The following CNTN5 variants were observed in gnomAD, a reference collection of about 807,000 sequenced individuals.
CNTN5 encodes the protein contactin 5.
CNTN5 carries 77 observed loss-of-function variants against 129.1 expected under a neutral mutation model. The observed-to-expected ratio is 0.60, with a 90% CI of 0.50 to 0.72. The LOEUF is 0.72. Among genes scored for constraint, CNTN5 ranks in the 30% least tolerant of loss-of-function variants. CNTN5 has a pLI of 0.00. For missense variants in CNTN5, 1,478 were observed against 1,328.8 expected, an observed-to-expected ratio of 1.11 and a Z score of -1.75; for synonymous variants, 509 against 465.6, an observed-to-expected ratio of 1.09 and a Z score of -1.20.
At chr11:99,073,373 GGTTT>G (rs1865419501) in intron 1 of CNTN5, among the ~76,000 whole-genome samples, 1 of 87,326 alleles carries the variant, frequency 1.1e-5, no homozygotes. Context: ...TTTATGGTTT[GGTTT>G]TTTTTTTTTT....
chr11:99,776,439 T>C (rs1263086101), intron 3 of CNTN5, among the ~76,000 whole-genome samples: 1 of 150,792 alleles, frequency 6.6e-6, no homozygotes, highest in Non-Finnish European at 1.5e-5. Context: ...TCATTATCAA[T>C]TTTTTTTTAA....
chr11:99,782,394 C>A (rs1361729952), intron 3 of CNTN5, among the ~76,000 whole-genome samples: 1 of 149,454 alleles, frequency 6.7e-6, no homozygotes, highest in Non-Finnish European at 1.5e-5. Flanking sequence ...TGAAAATGGC[C>A]ATACTGCCCA....
intron 15 of CNTN5, among the ~76,000 whole-genome samples, chr11:100,202,190 C>T (rs757317973): frequency 7.9e-5 from 12 of 151,890 alleles, no homozygotes; most frequent in Non-Finnish European, 7.4e-5. Flanking sequence ...AAGAGTTATC[C>T]AAACTAGGAC....
chr11:99,027,054 A>G (rs528582323), intron 1 of CNTN5, among the ~76,000 whole-genome samples: 1 of 151,740 alleles, frequency 6.6e-6, no homozygotes, highest in Admixed American at 6.6e-5. Context: ...ACTTTTTCAC[A>G]ATGAACTTGG....
Position 100,286,737 on chromosome 11 carries a change from C to T in CNTN5, c.2315-10888C>T, listed in dbSNP as rs563275581. ...AAGGAACGCAGTTCCTCACCAGCAA[C>T]GGAACAAAGCTGGATGGAGAATGAC... On this transcript the variant is annotated intron_variant, in intron 18 of 24. Transcript: ENST00000524871. Among the ~76,000 whole-genome samples the T allele has an allele frequency of 6.7e-5, 10 of 148,970 alleles. 1 individual carries two copies. The highest frequency in any genetic ancestry group is 8.9e-5 in the Non-Finnish European group (6 of 67,360).
intron 23 of CNTN5, among the ~76,000 whole-genome samples, chr11:100,348,861 C>G (rs930915601): frequency 1.1e-4 from 17 of 152,108 alleles, no homozygotes; most frequent in Non-Finnish European, 2.1e-4. Context: ...GTGCATATCA[C>G]ACTTCTTTGC....
intron 1 of CNTN5, among the ~76,000 whole-genome samples, chr11:99,322,769 A>C (rs546128505): frequency 6.6e-6 from 1 of 152,184 alleles, no homozygotes; most frequent in Non-Finnish European, 1.5e-5. Flanking sequence ...GATACTGATG[A>C]TGATTTGAAA....
In CNTN5 at chr11:99,365,281, C is replaced by T. The variant is rs78306444; in HGVS notation, c.-71+39797C>T. Among the ~76,000 whole-genome samples the T allele has an allele frequency of 9.7e-3, 1,478 of 152,228 alleles. 18 individuals carry two copies. The highest frequency in any genetic ancestry group is 0.013 in the Non-Finnish European group (918 of 68,004). ...ATATGGATTTGTTGAAAAAGACATA[C>T]GCATTTAGCATCATGCATAGCATAT... On this transcript the variant is annotated intron_variant, in intron 2 of 24. Transcript: ENST00000524871.
chr11:99,262,538 A>T (rs1429692469), intron 1 of CNTN5, among the ~76,000 whole-genome samples: 1 of 151,702 alleles, frequency 6.6e-6, no homozygotes, highest in Non-Finnish European at 1.5e-5. Flanking sequence ...ATGTTGGCAT[A>T]ATTAACCTCC....
At chr11:99,924,413 T>A (rs1950014026) in intron 7 of CNTN5, among the ~76,000 whole-genome samples, 2 of 152,186 alleles carry the variant, frequency 1.3e-5, no homozygotes, top group Admixed American at 6.5e-5. Flanking sequence ...TTGAGTTAAT[T>A]TTTGTGTATG....
At chr11:99,080,987 T>G (rs537756111) in intron 1 of CNTN5, among the ~76,000 whole-genome samples, 2 of 151,358 alleles carry the variant, frequency 1.3e-5, no homozygotes, top group East Asian at 1.9e-4. Flanking sequence ...TCAGTTTTTT[T>G]TTTTTTTTTT....
At chr11:100,152,246 T>A (rs1325197697) in intron 13 of CNTN5, among the ~76,000 whole-genome samples, 1 of 152,096 alleles carries the variant, frequency 6.6e-6, no homozygotes, top group Non-Finnish European at 1.5e-5. Flanking sequence ...ATCCAGCAAG[T>A]CTTGCTGTAT....
rs377130559 is a variant in CNTN5 at position 100,109,100 on chromosome 11, T to C, written c.1580+34806T>C. Among the ~76,000 whole-genome samples, 8 of 152,212 alleles carry C rather than the reference T, an allele frequency of 5.3e-5. No homozygotes were observed. The East Asian group carries it at 1.2e-3, about 22-fold the overall frequency. On this transcript the variant is annotated intron_variant, in intron 13 of 24. Transcript: ENST00000524871. ...AAGGAAAGCAAACCATAAAATTAAA[T>C]CACAAATAACGCTAGAATGATTTGC...
chr11:99,413,071 T>C (rs1356345015), intron 2 of CNTN5, among the ~76,000 whole-genome samples: 5 of 152,228 alleles, frequency 3.3e-5, no homozygotes, highest in Non-Finnish European at 4.4e-5. Context: ...TTTATTTCAC[T>C]GTTCTTTAAA....
intron 7 of CNTN5, among the ~76,000 whole-genome samples, chr11:99,929,422 C>T (rs1232999395): frequency 6.6e-6 from 1 of 152,106 alleles, no homozygotes; most frequent in Admixed American, 6.5e-5. Flanking sequence ...TCCGTGGTGC[C>T]AGTTTACTGT....
chr11:100,246,045 C>T (rs1330426691), intron 16 of CNTN5, among the ~76,000 whole-genome samples: 4 of 152,124 alleles, frequency 2.6e-5, no homozygotes, highest in South Asian at 2.1e-4. Flanking sequence ...AATGATAGTA[C>T]ATTTTTTCAT....
At chr11:99,855,117 T>A (rs545357837) in intron 6 of CNTN5, among the ~76,000 whole-genome samples, 2 of 152,210 alleles carry the variant, frequency 1.3e-5, no homozygotes, top group African/African-American at 4.8e-5. Context: ...AAGACCAGCC[T>A]GGGCAATATG....
intron 1 of CNTN5, among the ~76,000 whole-genome samples, chr11:99,104,610 G>GTA (rs1457758559): frequency 1.7e-5 from 2 of 118,316 alleles, no homozygotes; most frequent in African/African-American, 6.4e-5. Context: ...TACCTACAAT[G>GTA]TGTGTGTATA....
chr11:100,039,839 T>C (rs539674124), intron 9 of CNTN5, among the ~76,000 whole-genome samples: 3 of 152,358 alleles, frequency 2.0e-5, no homozygotes, highest in African/African-American at 7.2e-5. Flanking sequence ...TAAGGACTTC[T>C]CTGCATTGGT....
Sources: gnomAD v4.1 joint callset for allele counts (sites outside exome capture counted in the v4.1 genomes callset) on GRCh38, gnomAD v4.1.1 for gene constraint, MANE v1.5 for transcripts, NCBI Gene and HGNC (gene_info 2026-07-23, HGNC 2026-07-21) for gene names.